The following RFX7 variants were observed in gnomAD, a reference collection of about 807,000 sequenced individuals.
The protein encoded by RFX7 is regulatory factor X7.
RFX7 carries 26 observed loss-of-function variants against 111.8 expected under a neutral mutation model. The ratio of observed to expected loss-of-function variants is 0.23; its 90% CI spans 0.17 to 0.32. The LOEUF (loss-of-function observed/expected upper bound fraction) is 0.32, where lower values mean the gene tolerates loss of function less well. Among genes scored for constraint, RFX7 ranks in the 10% least tolerant of loss-of-function variants. The pLI is 1.00. For synonymous variants in RFX7, 624 were observed against 624.4 expected, an observed-to-expected ratio of 1.00 and a Z score of 0.01; for missense variants, 1,573 against 1,772.9, an observed-to-expected ratio of 0.89 and a Z score of 2.02.
chr15:56,229,451 G>A (rs1461959194), intron 2 of RFX7, among the ~76,000 whole-genome samples: 1 of 152,104 alleles, frequency 6.6e-6, no homozygotes, highest in East Asian at 1.9e-4. Flanking sequence ...ATTTTTAGTA[G>A]AGACGGGGTT....
chr15:56,206,420 C>G (rs1487348200), intron 2 of RFX7, among the ~76,000 whole-genome samples: 2 of 151,976 alleles, frequency 1.3e-5, no homozygotes, highest in African/African-American at 4.8e-5. Flanking sequence ...GGCTGGTGCA[C>G]AATCATGATG....
At chr15:56,243,349 A>G in intron 1 of RFX7, 62 bp from the exon 2 acceptor site, 1 of 749,560 alleles carries the variant, frequency 1.3e-6, no homozygotes, top group Non-Finnish European at 1.7e-6. Context: ...GAGGGAAGAG[A>G]CCGGGAGGGG....
chr15:56,224,329 C>A (rs2043457671), intron 2 of RFX7, among the ~76,000 whole-genome samples: 1 of 151,940 alleles, frequency 6.6e-6, no homozygotes, highest in African/African-American at 2.4e-5. Context: ...GTAAACTGTT[C>A]ATCTCAGAAA....
Position 56,193,278 on chromosome 15 carries a change from CG to C in RFX7, c.162-13976del, listed in dbSNP as rs563143286. 527 of 152,520 alleles carry C rather than the reference CG, an allele frequency of 3.5e-3. 1 individual carries two copies. Among genetic ancestry groups the C allele is most frequent in the Non-Finnish European group, 5.6e-3 (383 of 68,206 alleles). 9.4% of individuals were successfully genotyped at this position (152,520 alleles called of 1,614,324 possible). ...GATGAAAGCCATGGTGCAGTGGCGGCGGCGACTGCAACAAGACCCAGGCAGG... is the reference window on the plus strand; with the variant it reads ...GATGAAAGCCATGGTGCAGTGGCGGCGCGACTGCAACAAGACCCAGGCAGG... On this transcript the variant is annotated intron_variant, in intron 2 of 9. Transcript: ENST00000559447.
chr15:56,093,323 G>A lies in RFX7; in HGVS notation c.*22C>T. On this transcript the variant is annotated 3_prime_UTR_variant, in exon 10 of 10. Coordinates refer to ENST00000559447, the MANE Select transcript of RFX7 (RefSeq NM_022841.7). The stretch of plus-strand genomic sequence containing the variant: ...ATACATATGTCTTTAGATACAGTGT[G>A]CTACATGTTATAAAACACAATTTAA... 1 of 1,575,444 alleles carries A rather than the reference G, an allele frequency of 6.3e-7. No individual in the cohort carries two copies. The highest frequency in any genetic ancestry group is 8.6e-7 in the Non-Finnish European group (1 of 1,159,966).
At chr15:56,103,129 ATTTTTTTTTTTTT>A (rs11336124) in intron 6 of RFX7, among the ~76,000 whole-genome samples, 2 of 94,430 alleles carry the variant, frequency 2.1e-5, no homozygotes, top group Admixed American at 1.3e-4. Flanking sequence ...GTTCCATAAG[ATTTTTTTTTTTTT>A]TTTTTTTTTT....
chr15:56,127,369 GAAGA>G (rs1397670780), intron 5 of RFX7, among the ~76,000 whole-genome samples: 3 of 150,982 alleles, frequency 2.0e-5, no homozygotes, highest in African/African-American at 4.9e-5. Context: ...CATTAAAAAA[GAAGA>G]AAGGTGTCAA....
intron 5 of RFX7, among the ~76,000 whole-genome samples, chr15:56,111,560 T>C (rs1266079659): frequency 6.6e-6 from 1 of 151,106 alleles, no homozygotes; most frequent in Non-Finnish European, 1.5e-5. Flanking sequence ...CTTTGTTCAC[T>C]TGTTTATCTG....
chr15:56,121,809 ACT>A (rs2042082616), intron 5 of RFX7, among the ~76,000 whole-genome samples: 1 of 151,828 alleles, frequency 6.6e-6, no homozygotes, highest in Non-Finnish European at 1.5e-5. Flanking sequence ...CAAGTAAGAG[ACT>A]CTGATGCATT....
At chr15:56,132,179 C>G (rs934933618) in intron 5 of RFX7, among the ~76,000 whole-genome samples, 6 of 152,002 alleles carry the variant, frequency 3.9e-5, no homozygotes, top group Admixed American at 3.9e-4. Flanking sequence ...GTGTTTGAAT[C>G]AAAATCCCCT....
intron 3 of RFX7, among the ~76,000 whole-genome samples, chr15:56,157,322 T>C (rs775788754): frequency 2.6e-5 from 4 of 152,210 alleles, no homozygotes; most frequent in Non-Finnish European, 5.9e-5. Flanking sequence ...ATATTTTCTT[T>C]TTAAAGTTTA....
intron 2 of RFX7, among the ~76,000 whole-genome samples, chr15:56,188,434 C>T (rs1315645208): frequency 3.3e-5 from 5 of 151,974 alleles, no homozygotes; most frequent in Admixed American, 6.6e-5. Context: ...CTTCTAGATC[C>T]CAGAAGTTCA....
At chr15:56,225,248 T>G (rs1346810472) in intron 2 of RFX7, among the ~76,000 whole-genome samples, 1 of 152,146 alleles carries the variant, frequency 6.6e-6, no homozygotes. Context: ...TAGCAAAGAT[T>G]AACACATGTA....
intron 3 of RFX7, among the ~76,000 whole-genome samples, chr15:56,150,332 A>G (rs2042551768): frequency 6.6e-6 from 1 of 152,166 alleles, no homozygotes; most frequent in South Asian, 2.1e-4. Context: ...TGTCTCCTCA[A>G]GTGGGTCCCT....
At position 56,096,155 on chromosome 15, in the gene RFX7, T is replaced by C. The variant is rs1158760451; in HGVS notation, c.1573A>G (p.Arg525Gly). The C allele has an allele frequency of 6.2e-7, 1 of 1,613,922 alleles. No individual in the cohort carries two copies. Among genetic ancestry groups the C allele is most frequent in the Admixed American group, 1.7e-5 (1 of 60,002 alleles). The change falls in exon 10 of 10, where the codon AGG becomes GGG. Residue 525 changes from arginine to glycine, a missense_variant. By Grantham distance (125) the Arg-to-Gly change is moderately radical. Around this residue, in one of 7 missense-constraint regions of RFX7, gnomAD observed 625 missense variants for 632.2 expected, o/e 0.99. Coordinates refer to ENST00000559447, the MANE Select transcript of RFX7 (RefSeq NM_022841.7). Reference protein sequence around the residue: ...SVVSLQSPGSRSSSAGGTSAV... With the variant: ...SVVSLQSPGSGSSSAGGTSAV... ...GATGTTCCCCCCGCACTGCTGCTCC[T>C]GGACCCAGGAGACTGAAGCGACACG...
chr15:56,204,109 C>T (rs1245984371), intron 2 of RFX7, among the ~76,000 whole-genome samples: 1 of 151,032 alleles, frequency 6.6e-6, no homozygotes, highest in Admixed American at 6.6e-5. Context: ...TAACTTCTAC[C>T]TCCCGGGTTC....
chr15:56,124,691 T>G (rs2042120637), intron 5 of RFX7, among the ~76,000 whole-genome samples: 1 of 152,212 alleles, frequency 6.6e-6, no homozygotes, highest in Non-Finnish European at 1.5e-5. Flanking sequence ...CTTTGCCCAT[T>G]TAACAATCAG....
intron 5 of RFX7, among the ~76,000 whole-genome samples, chr15:56,135,087 G>A (rs2042279640): frequency 6.6e-6 from 1 of 152,188 alleles, no homozygotes; most frequent in African/African-American, 2.4e-5. Flanking sequence ...GTGTGCATGT[G>A]TCTTTATAGC....
intron 3 of RFX7, among the ~76,000 whole-genome samples, chr15:56,162,758 T>C (rs576722389): frequency 6.6e-5 from 10 of 152,110 alleles, no homozygotes; most frequent in Non-Finnish European, 1.2e-4. Context: ...TTAAATGGCA[T>C]GGCCTTATAT....
Sources: gnomAD v4.1 joint callset for allele counts (sites outside exome capture counted in the v4.1 genomes callset) on GRCh38, gnomAD v4.1.1 for gene constraint, gnomAD v4.1.1 regional missense constraint, MANE v1.5 for transcripts, NCBI Gene and HGNC (gene_info 2026-07-23, HGNC 2026-07-21) for gene names.